PHLDB3: variants seen among roughly 807,000 people sequenced by gnomAD.
PHLDB3 encodes the protein pleckstrin homology-like domain family B member 3.
A neutral mutation model predicts 85.7 loss-of-function variants in PHLDB3; 86 were observed. The observed-to-expected ratio is 1.00, with a 90% CI of 0.84 to 1.20. The LOEUF (loss-of-function observed/expected upper bound fraction) is 1.20. Ranked by LOEUF, PHLDB3 falls within the 50% of genes most tolerant of loss-of-function variation. The pLI, the probability that PHLDB3 is intolerant of heterozygous loss-of-function variation, is 0.00. For missense variants in PHLDB3, 995 were observed against 873.0 expected (o/e 1.14, Z -1.76); for synonymous variants, 376 against 349.8 (o/e 1.07, Z -0.83).
intron 9 of PHLDB3, among the ~76,000 whole-genome samples, chr19:43,490,077 G>A (rs1971279659): frequency 6.6e-6 from 1 of 150,824 alleles, no homozygotes; most frequent in Non-Finnish European, 1.5e-5. Flanking sequence ...GAAGGAGGAA[G>A]GGAGGGAGGG....
At chr19:43,477,660 C>T (rs770847432) in intron 15 of PHLDB3, among the ~76,000 whole-genome samples, 5 of 150,204 alleles carry the variant, frequency 3.3e-5, no homozygotes, top group Non-Finnish European at 5.9e-5. Flanking sequence ...ACTAAAAATA[C>T]AAAAATTAGC....
intron 9 of PHLDB3, among the ~76,000 whole-genome samples, chr19:43,493,844 T>C (rs186626212): frequency 6.6e-6 from 1 of 152,236 alleles, no homozygotes; most frequent in African/African-American, 2.4e-5. Flanking sequence ...AGGTTGAATA[T>C]CCCTTCTCCA....
At chr19:43,497,090 G>A (rs373439092) in intron 6 of PHLDB3, 28 bp downstream of exon 6, 10 of 1,411,628 alleles carry the variant, frequency 7.1e-6, no homozygotes, top group Non-Finnish European at 7.4e-6. Context: ...AGCAGCAAGG[G>A]GGGCAGCGCT....
rs753183949 is a variant in PHLDB3, at chr19:43,475,367, G to A, written c.*43C>T. ...TAGGAACGCCCCCGCGCCCCGCGCC[G>A]GCGGAGCCTCGAAGGGACTTCCCCC... On this transcript the variant is annotated 3_prime_UTR_variant, in exon 16 of 16. Transcript: ENST00000292140. The A allele has an allele frequency of 3.8e-6, 6 of 1,593,204 alleles. No individual in the cohort carries two copies. In the Admixed American group the frequency reaches 8.6e-5, roughly 23 times the overall value.
At chr19:43,500,815 A>T (rs1205022108) in intron 4 of PHLDB3, among the ~76,000 whole-genome samples, 3 of 141,670 alleles carry the variant, frequency 2.1e-5, no homozygotes, top group African/African-American at 5.3e-5. Context: ...TTGTATTTTT[A>T]TTTTTCACAG....
At position 43,475,401 on chromosome 19, in the gene PHLDB3, CG is replaced by C. The variant is rs754104882; in HGVS notation, c.*8del. 5 of 1,613,328 alleles carry C rather than the reference CG, an allele frequency of 3.1e-6. No individual in the cohort carries two copies. Among genetic ancestry groups the C allele is most frequent in the South Asian group, 1.1e-5 (1 of 91,048 alleles). The stretch of plus-strand genomic sequence containing the variant: ...TCGAAGGGACTTCCCCCCAAGAGGG[CG>C]GGGCCACTCAGGGGGCGTGGTTTTC... On this transcript the variant is annotated 3_prime_UTR_variant, in exon 16 of 16. Coordinates refer to ENST00000292140, the MANE Select transcript of PHLDB3 (RefSeq NM_198850.4).
Position 43,486,062 on chromosome 19 carries a change from C to T in PHLDB3, c.1485+204G>A, listed in dbSNP as rs1384087373. 16 of 985,198 alleles carry T rather than the reference C, an allele frequency of 1.6e-5. No homozygotes were observed. Among genetic ancestry groups the T allele is most frequent in the South Asian group, 9.4e-5 (2 of 21,294 alleles). 61.0% of individuals were successfully genotyped at this position (985,198 alleles called of 1,614,324 possible). A position where few individuals can be genotyped will look rare whatever the true frequency, so the allele number is the denominator to read the frequency against. On this transcript the variant is annotated intron_variant, in intron 13 of 15. Coordinates refer to ENST00000292140, the MANE Select transcript of PHLDB3 (RefSeq NM_198850.4). ...ATGAGGCAGAGTAGAGCAAGTTACC[C>T]GAGGACCTGCCACACATGGAGATGA...
chr19:43,478,008 C>T, intron 15 of PHLDB3, 39 bp downstream of exon 15: 2 of 1,539,266 alleles, frequency 1.3e-6, no homozygotes, highest in Non-Finnish European at 1.8e-6. Context: ...CCAACTGAGT[C>T]TCCAACTGGG....
At chr19:43,497,029 G>A (rs1971473200) in intron 6 of PHLDB3, 89 bp downstream of exon 6, 1 of 1,316,734 alleles carries the variant, frequency 7.6e-7, no homozygotes, top group Admixed American at 3.0e-5. Flanking sequence ...ATGACAGGCA[G>A]GAAACAAGGA....
In PHLDB3 at chr19:43,487,574, C is replaced by CAAAAAAA. The variant is rs760708749; in HGVS notation, c.1150-458_1150-452dup. Among the ~76,000 whole-genome samples, 75 of 38,442 alleles carry CAAAAAAA rather than the reference C, an allele frequency of 2.0e-3. 1 individual carries two copies. The highest frequency in any genetic ancestry group is 3.2e-3 in the African/African-American group (32 of 10,002). 25.2% of individuals were successfully genotyped at this position (38,442 alleles called of 152,430 possible). Reference sequence around the variant, plus strand: ...TGGGCGACAGAGCAAGACTCTGTCTCAAAAAAAAAAAAAAAAAACACAGAA... The same window carrying CAAAAAAA: ...TGGGCGACAGAGCAAGACTCTGTCTCAAAAAAAAAAAAAAAAAAAAAAAAACACAGAA... On this transcript the variant is annotated intron_variant, in intron 9 of 15. Coordinates refer to ENST00000292140, the MANE Select transcript of PHLDB3 (RefSeq NM_198850.4).
chr19:43,478,271 G>T, intron 14 of PHLDB3, 139 bp from the exon 15 acceptor site: 1 of 603,962 alleles, frequency 1.7e-6, no homozygotes, highest in African/African-American at 1.8e-5. Flanking sequence ...GGTCTCTAAA[G>T]GTTGGGAGGT....
chr19:43,490,545 G>T (rs574960632), intron 9 of PHLDB3, among the ~76,000 whole-genome samples: 1 of 152,084 alleles, frequency 6.6e-6, no homozygotes, highest in Non-Finnish European at 1.5e-5. Flanking sequence ...GCGACAGAGC[G>T]AGACTGTCTC....
chr19:43,486,256 T>A lies in PHLDB3; in HGVS notation c.1485+10A>T. 2 of 886,122 alleles carry A rather than the reference T, an allele frequency of 2.3e-6. No homozygotes were observed. The highest frequency in any genetic ancestry group is 3.5e-6 in the Non-Finnish European group (2 of 576,444). The allele number at this position is 886,122 out of a possible 1,614,324, so 54.9% of individuals were successfully genotyped here. On this transcript the variant is annotated intron_variant, in intron 13 of 15. Transcript: ENST00000292140. ...GGAGAGGTGGGCGTGAGGGCGGGGGTGGGACTGACCGTGATGGCAGGAACA... is the reference window on the plus strand; with the variant it reads ...GGAGAGGTGGGCGTGAGGGCGGGGGAGGGACTGACCGTGATGGCAGGAACA...
At position 43,492,240 on chromosome 19, in the gene PHLDB3, C is replaced by T. The variant is rs143707266; in HGVS notation, c.1149+2462G>A. Among the ~76,000 whole-genome samples the T allele has an allele frequency of 3.0e-3, 449 of 151,836 alleles. 9 individuals carry two copies. Among genetic ancestry groups the T allele is most frequent in the East Asian group, 0.023 (116 of 5,140 alleles). ...TGCTGGGATTACAGGTGTGAGCCAC[C>T]GCGCCCAGCCAATTTTTTGTATTTT... On this transcript the variant is annotated intron_variant, in intron 9 of 15. Coordinates refer to ENST00000292140, the MANE Select transcript of PHLDB3 (RefSeq NM_198850.4).
In PHLDB3 at chr19:43,486,259, G is replaced by GCCCC; in HGVS notation, c.1485+6_1485+7insGGGG. ...GAGGTGGGCGTGAGGGCGGGGGTGG[G>GCCCC]ACTGACCGTGATGGCAGGAACAGCA... On this transcript the variant is annotated splice_region_variant and intron_variant, in intron 13 of 15. Transcript: ENST00000292140. 4.5e-6 allele frequency: 3 copies of GCCCC among 665,524 alleles called. No homozygotes were observed. Among genetic ancestry groups the GCCCC allele is most frequent in the Non-Finnish European group, 7.9e-6 (3 of 380,088 alleles). 41.2% of individuals were successfully genotyped at this position (665,524 alleles called of 1,614,324 possible).
intron 14 of PHLDB3, among the ~76,000 whole-genome samples, chr19:43,478,443 T>C (rs1970972133): frequency 6.6e-6 from 1 of 152,070 alleles, no homozygotes. Context: ...TCTCTAACCC[T>C]CTCAAACTCT....
chr19:43,485,211 G>A (rs1248154528), intron 13 of PHLDB3, among the ~76,000 whole-genome samples: 1 of 151,240 alleles, frequency 6.6e-6, no homozygotes, highest in African/African-American at 2.4e-5. Flanking sequence ...ATCGTAAAAA[G>A]GTTTTTTGTT....
chr19:43,475,581 A>C (rs1970911135), intron 15 of PHLDB3, 37 bp from the exon 16 acceptor site: 2 of 1,612,554 alleles, frequency 1.2e-6, no homozygotes, highest in Non-Finnish European at 1.7e-6. Flanking sequence ...TTCAGACAAA[A>C]GACACCGGCC....
At position 43,487,172 on chromosome 19, in the gene PHLDB3, A is replaced by G. The variant is rs764404852; in HGVS notation, c.1150-49T>C. 3 of 1,498,644 alleles carry G rather than the reference A, an allele frequency of 2.0e-6. No homozygotes were observed. In the South Asian group the frequency reaches 3.6e-5, roughly 18 times the overall value. 92.8% of individuals were successfully genotyped at this position (1,498,644 alleles called of 1,614,324 possible). On this transcript the variant is annotated intron_variant, in intron 9 of 15. Transcript: ENST00000292140. ...GCATAGGAAAAAGGCTTGATCTCCAACCTAAGTCAGAGCACTGCCCAGTGA... is the reference window on the plus strand; with the variant it reads ...GCATAGGAAAAAGGCTTGATCTCCAGCCTAAGTCAGAGCACTGCCCAGTGA...
Sources: allele counts gnomAD v4.1 joint callset (sites outside exome capture counted in the v4.1 genomes callset), GRCh38; gene constraint gnomAD v4.1.1; transcripts MANE v1.5; gene names NCBI Gene and HGNC (gene_info 2026-07-23, HGNC 2026-07-21).